Variants in DPYD observed in about 807,000 individuals in gnomAD.
DPYD encodes dihydropyrimidine dehydrogenase [NADP(+)].
A neutral mutation model predicts 116.2 loss-of-function variants in DPYD; 109 were observed. The ratio of observed to expected loss-of-function variants is 0.94; its 90% CI spans 0.80 to 1.10. The LOEUF is 1.10. Ranked by LOEUF, DPYD falls within the 50% of genes least tolerant of loss-of-function variation. DPYD has a pLI of 0.00. For synonymous variants in DPYD, 440 were observed against 432.0 expected (o/e 1.02, Z -0.23); for missense variants, 1,302 against 1,254.5 (o/e 1.04, Z -0.57).
chr1:97,227,803 T>C (rs1217320326), intron 19 of DPYD, among the ~76,000 whole-genome samples: 2 of 151,964 alleles, frequency 1.3e-5, no homozygotes, highest in Non-Finnish European at 1.5e-5. Flanking sequence ...TTTTGGTATA[T>C]CAAGTGATAA....
chr1:97,826,317 T>C (rs1437397455), intron 3 of DPYD, among the ~76,000 whole-genome samples: 1 of 152,226 alleles, frequency 6.6e-6, no homozygotes, highest in African/African-American at 2.4e-5. Flanking sequence ...ATTTGTTTTT[T>C]TCTTGAGGAC....
intron 16 of DPYD, among the ~76,000 whole-genome samples, chr1:97,368,044 T>C (rs190237840): frequency 2.1e-4 from 32 of 152,056 alleles, no homozygotes; most frequent in Admixed American, 8.5e-4. Flanking sequence ...ATTAGAGAGG[T>C]GATTTCCATT....
In DPYD at chr1:97,195,630, A is replaced by ATG. The variant is rs1557929518; in HGVS notation, c.2443-2384_2443-2383dup. Among the ~76,000 whole-genome samples the ATG allele has an allele frequency of 3.9e-3, 185 of 47,170 alleles. 5 individuals carry two copies. Among genetic ancestry groups the ATG allele is most frequent in the African/African-American group, 4.6e-3 (72 of 15,824 alleles). 30.9% of individuals were successfully genotyped at this position (47,170 alleles called of 152,430 possible). On this transcript the variant is annotated intron_variant, in intron 19 of 22. Transcript: ENST00000370192. ...TGTATATATATGTATGTGTATATGT[A>ATG]TGTGTATATATATATATATATATAT...
At chr1:97,334,091 A>T (rs907559213) in intron 16 of DPYD, among the ~76,000 whole-genome samples, 1 of 152,154 alleles carries the variant, frequency 6.6e-6, no homozygotes, top group Non-Finnish European at 1.5e-5. Context: ...GCATTTTATG[A>T]GGAAAATTAT....
chr1:97,747,802 C>A (rs1009962091), intron 3 of DPYD, among the ~76,000 whole-genome samples: 2 of 152,084 alleles, frequency 1.3e-5, no homozygotes, highest in African/African-American at 2.4e-5. Flanking sequence ...CTTGATTGCC[C>A]ATATTTAATT....
At chr1:97,838,979 G>A (rs1025935297) in intron 2 of DPYD, among the ~76,000 whole-genome samples, 1 of 152,230 alleles carries the variant, frequency 6.6e-6, no homozygotes, top group African/African-American at 2.4e-5. Flanking sequence ...ACTAGAATCC[G>A]TGATTTCCGC....
intron 8 of DPYD, among the ~76,000 whole-genome samples, chr1:97,666,831 T>G (rs889229766): frequency 6.6e-6 from 1 of 152,164 alleles, no homozygotes; most frequent in African/African-American, 2.4e-5. Flanking sequence ...CACAAACAGA[T>G]GCATGCATGC....
At chr1:97,357,362 A>G (rs1277192200) in intron 16 of DPYD, among the ~76,000 whole-genome samples, 10 of 148,968 alleles carry the variant, frequency 6.7e-5, no homozygotes, top group Admixed American at 2.7e-4. Context: ...TATTAGTTCT[A>G]ACAGTGTTTT....
chr1:97,663,238 T>C (rs186216573), intron 8 of DPYD, among the ~76,000 whole-genome samples: 1 of 152,298 alleles, frequency 6.6e-6, no homozygotes, highest in East Asian at 1.9e-4. Context: ...CACCAGGTTG[T>C]CACAAGGAAT....
chr1:97,772,798 A>T (rs1214257220), intron 3 of DPYD, among the ~76,000 whole-genome samples: 2 of 152,222 alleles, frequency 1.3e-5, no homozygotes, highest in Admixed American at 1.3e-4. Context: ...GAAGGAGGTA[A>T]ACTAGTTTGA....
In DPYD at chr1:97,740,472, T is replaced by TCAGG; in HGVS notation, c.237_240dup (p.Lys81ProfsTer15). The stretch of plus-strand genomic sequence containing the variant: ...TTCTGACACGGGGCATCTGCACATT[T>TCAGG]CAGGCATCTAGGAAATAAAATAACT... On this transcript the variant is annotated frameshift_variant, in exon 4 of 23. Transcript: ENST00000370192. LOFTEE classifies it high-confidence loss of function. 6.2e-7 allele frequency: 1 copy of TCAGG among 1,612,542 alleles called. No homozygotes were observed. The highest frequency in any genetic ancestry group is 8.5e-7 in the Non-Finnish European group (1 of 1,179,104).
At chr1:97,532,519 G>A (rs1649701257) in intron 12 of DPYD, among the ~76,000 whole-genome samples, 1 of 152,044 alleles carries the variant, frequency 6.6e-6, no homozygotes, top group African/African-American at 2.4e-5. Flanking sequence ...AGGCTTTCCT[G>A]TTTGGGTTGG....
At chr1:97,737,885 C>T (rs2101064189) in intron 4 of DPYD, among the ~76,000 whole-genome samples, 1 of 152,146 alleles carries the variant, frequency 6.6e-6, no homozygotes, top group East Asian at 1.9e-4. Flanking sequence ...TCTTTAACTT[C>T]CAGTTACTTT....
At chr1:97,395,083 C>T (rs1159387949) in intron 14 of DPYD, among the ~76,000 whole-genome samples, 1 of 151,820 alleles carries the variant, frequency 6.6e-6, no homozygotes, top group African/African-American at 2.4e-5. Context: ...CCCTATTGCT[C>T]CTCTGACTTC....
At chr1:97,454,385 C>G (rs998160387) in intron 13 of DPYD, among the ~76,000 whole-genome samples, 1 of 151,698 alleles carries the variant, frequency 6.6e-6, no homozygotes, top group African/African-American at 2.4e-5. Flanking sequence ...GAATATTTTG[C>G]TTTAATATTT....
At chr1:97,206,620 T>A (rs1659617979) in intron 19 of DPYD, among the ~76,000 whole-genome samples, 1 of 129,264 alleles carries the variant, frequency 7.7e-6, no homozygotes, top group South Asian at 2.6e-4. Context: ...CTGGCTTTCA[T>A]GTGAAAACAG....
rs963220963 is a variant in DPYD, at chr1:97,763,075, T to C, written c.234-22596A>G. On this transcript the variant is annotated intron_variant, in intron 3 of 22. Coordinates refer to ENST00000370192, the MANE Select transcript of DPYD (RefSeq NM_000110.4). Reference sequence around the variant, plus strand: ...TTGCTATCCTCATTAACACCCAGCATGAAAGGTATTTCCTAATATTCTTGA... The same window carrying C: ...TTGCTATCCTCATTAACACCCAGCACGAAAGGTATTTCCTAATATTCTTGA... Among the ~76,000 whole-genome samples, 5 of 152,222 alleles carry C rather than the reference T, an allele frequency of 3.3e-5. No homozygotes were observed. In the East Asian group the frequency reaches 9.6e-4, roughly 29 times the overall value.
chr1:97,323,175 A>G (rs1668406708), intron 16 of DPYD, among the ~76,000 whole-genome samples: 1 of 149,336 alleles, frequency 6.7e-6, no homozygotes, highest in Non-Finnish European at 1.5e-5. Context: ...ATATGTATAT[A>G]TACATATCAT....
At chr1:97,413,587 C>T (rs1457063600) in intron 14 of DPYD, among the ~76,000 whole-genome samples, 1 of 152,056 alleles carries the variant, frequency 6.6e-6, no homozygotes, top group Non-Finnish European at 1.5e-5. Context: ...CTTCAGCCTC[C>T]CAAGTAGCTG....
Sources: allele counts gnomAD v4.1 joint callset (sites outside exome capture counted in the v4.1 genomes callset), GRCh38; gene constraint gnomAD v4.1.1; transcripts MANE v1.5; gene names NCBI Gene and HGNC (gene_info 2026-07-23, HGNC 2026-07-21).